NCKAP5: variants seen among roughly 807,000 people sequenced by gnomAD.
NCKAP5 encodes NCK associated protein 5.
NCKAP5 carries 92 observed loss-of-function variants against 167.0 expected under a neutral mutation model. That is an observed-to-expected ratio of 0.55 (90% CI 0.47 to 0.66). The LOEUF (loss-of-function observed/expected upper bound fraction) is 0.66. Ranked by LOEUF, NCKAP5 falls within the 30% of genes least tolerant of loss-of-function variation. NCKAP5 has a pLI of 0.00. For missense variants in NCKAP5, 2,378 were observed against 2,315.0 expected (o/e 1.03, Z -0.56); for synonymous variants, 891 against 877.4 (o/e 1.02, Z -0.27).
intron 5 of NCKAP5, among the ~76,000 whole-genome samples, chr2:133,186,602 A>AT (rs1002545662): frequency 6.6e-6 from 1 of 151,812 alleles, no homozygotes; most frequent in Non-Finnish European, 1.5e-5. Flanking sequence ...GAGTTGGTAG[A>AT]TTTTTTACCA....
the NCKAP5 span, among the ~76,000 whole-genome samples, chr2:133,609,386 A>G: frequency 1.7e-3 from 264 of 152,338 alleles, 2 homozygotes; most frequent in Non-Finnish European, 1.3e-3. Flanking sequence ...TGTTTTTAAG[A>G]AAGTCACATG....
chr2:133,455,433 T>C (rs368186885), intron 3 of NCKAP5, among the ~76,000 whole-genome samples: 2 of 152,110 alleles, frequency 1.3e-5, no homozygotes, highest in African/African-American at 4.8e-5. Context: ...ACCTTCGCCA[T>C]CTCATATTTT....
chr2:133,417,258 G>A (rs534128949), intron 3 of NCKAP5, among the ~76,000 whole-genome samples: 2 of 152,122 alleles, frequency 1.3e-5, no homozygotes, highest in Admixed American at 1.3e-4. Context: ...ATCAGTCCTA[G>A]AGGGCCCAGA....
At chr2:133,250,288 G>A (rs900032434) in intron 4 of NCKAP5, among the ~76,000 whole-genome samples, 1 of 152,146 alleles carries the variant, frequency 6.6e-6, no homozygotes, top group Non-Finnish European at 1.5e-5. Flanking sequence ...AGGTCTAGGC[G>A]AGCGGGGCAG....
intron 11 of NCKAP5, among the ~76,000 whole-genome samples, chr2:132,813,110 A>C (rs1391737570): frequency 1.3e-5 from 2 of 152,232 alleles, no homozygotes; most frequent in African/African-American, 2.4e-5. Context: ...AGAGCATATG[A>C]AAATGTCCAG....
the NCKAP5 span, among the ~76,000 whole-genome samples, chr2:133,581,169 A>G: frequency 6.6e-6 from 1 of 152,132 alleles, no homozygotes; most frequent in African/African-American, 2.4e-5. Context: ...TCTGTTTCCA[A>G]CTCTACAATA....
At chr2:133,079,527 A>T (rs749372188) in intron 6 of NCKAP5, among the ~76,000 whole-genome samples, 4 of 152,184 alleles carry the variant, frequency 2.6e-5, no homozygotes, top group Non-Finnish European at 5.9e-5. Context: ...AATCCTAAAC[A>T]TCTTTTCATG....
chr2:133,529,809 T>C (rs910983408), intron 2 of NCKAP5, among the ~76,000 whole-genome samples: 1 of 152,196 alleles, frequency 6.6e-6, no homozygotes, highest in Admixed American at 6.5e-5. Context: ...CTTTGTTTTA[T>C]GTGTGGTTAT....
chr2:132,969,906 C>T (rs774600509), intron 7 of NCKAP5, among the ~76,000 whole-genome samples: 1 of 152,156 alleles, frequency 6.6e-6, no homozygotes, highest in Non-Finnish European at 1.5e-5. Context: ...GTTTCTTAAT[C>T]ATTTAAGATT....
chr2:133,117,307 T>G, intron 6 of NCKAP5: 1 of 152,230 alleles, frequency 6.6e-6, no homozygotes, highest in Non-Finnish European at 1.5e-5. Flanking sequence ...ACGTATTTCA[T>G]GTTACTTTCA....
intron 6 of NCKAP5, among the ~76,000 whole-genome samples, chr2:133,029,131 A>G (rs2078794351): frequency 6.6e-6 from 1 of 152,180 alleles, no homozygotes; most frequent in Admixed American, 6.5e-5. Flanking sequence ...ATGGCCTAAT[A>G]CAGGTTCTCG....
At chr2:132,899,587 G>T (rs558008484) in intron 8 of NCKAP5, among the ~76,000 whole-genome samples, 3 of 152,338 alleles carry the variant, frequency 2.0e-5, no homozygotes, top group Non-Finnish European at 4.4e-5. Context: ...TAAAGTGAAA[G>T]ACATGGGCCG....
intron 3 of NCKAP5, among the ~76,000 whole-genome samples, chr2:133,315,684 G>A (rs939419958): frequency 3.3e-5 from 5 of 151,914 alleles, no homozygotes; most frequent in Non-Finnish European, 5.9e-5. Flanking sequence ...AACAGGAGAA[G>A]GTGTTCTAAG....
intron 8 of NCKAP5, among the ~76,000 whole-genome samples, chr2:132,935,131 G>A (rs1696742143): frequency 6.6e-6 from 1 of 152,176 alleles, no homozygotes; most frequent in Admixed American, 6.5e-5. Flanking sequence ...CTTTTGTAAA[G>A]GATAGTTCTG....
At chr2:132,977,361 AC>A (rs1204787781) in intron 7 of NCKAP5, among the ~76,000 whole-genome samples, 1 of 152,242 alleles carries the variant, frequency 6.6e-6, no homozygotes, top group Non-Finnish European at 1.5e-5. Context: ...GGATATTTGC[AC>A]AGAAGATAAA....
chr2:132,962,562 G>T (rs1195791838), intron 8 of NCKAP5, among the ~76,000 whole-genome samples: 1 of 152,048 alleles, frequency 6.6e-6, no homozygotes, highest in Non-Finnish European at 1.5e-5. Flanking sequence ...AGCAAGCATA[G>T]AAAACAAGGC....
intron 19 of NCKAP5, among the ~76,000 whole-genome samples, chr2:132,712,545 A>G (rs1346237916): frequency 2.6e-5 from 4 of 152,086 alleles, no homozygotes; most frequent in South Asian, 2.1e-4. Flanking sequence ...CCAGCTACTC[A>G]GGAGGCTGAG....
intron 5 of NCKAP5, among the ~76,000 whole-genome samples, chr2:133,183,595 CCAAA>C (rs2084824509): frequency 6.6e-6 from 1 of 152,032 alleles, no homozygotes. Context: ...TGGCCAAAAA[CCAAA>C]CAAACAAACA....
At chr2:133,365,429 G>A (rs888320692) in intron 3 of NCKAP5, among the ~76,000 whole-genome samples, 3 of 151,874 alleles carry the variant, frequency 2.0e-5, no homozygotes, top group Non-Finnish European at 4.4e-5. Flanking sequence ...TATATGCCAG[G>A]CTAGACTCTG....
Sources: allele counts gnomAD v4.1 joint callset (sites outside exome capture counted in the v4.1 genomes callset), GRCh38; gene constraint gnomAD v4.1.1; transcripts MANE v1.5; gene names NCBI Gene and HGNC (gene_info 2026-07-23, HGNC 2026-07-21).